The following UNC13C variants were observed in gnomAD, a reference collection of about 807,000 sequenced individuals.
The protein encoded by UNC13C is protein unc-13 homolog C.
A neutral mutation model predicts 245.4 loss-of-function variants in UNC13C; 174 were observed. The ratio of observed to expected loss-of-function variants is 0.71; its 90% CI spans 0.63 to 0.80. The LOEUF is 0.80. UNC13C is among the 30% of genes least tolerant of loss of function. The pLI is 0.00. For missense variants in UNC13C, 2,829 were observed against 2,602.9 expected, an observed-to-expected ratio of 1.09 and a Z score of -1.89; for synonymous variants, 992 against 895.1, an observed-to-expected ratio of 1.11 and a Z score of -1.93.
rs761724530 is a variant in UNC13C, at chr15:54,376,777, T to C, written c.4714-16271T>C. 1.0e-3 allele frequency among the ~76,000 whole-genome samples: 156 copies of C among 152,162 alleles called. 1 individual carries two copies. Among genetic ancestry groups the C allele is most frequent in the Non-Finnish European group, 2.0e-3 (133 of 68,022 alleles). On this transcript the variant is annotated intron_variant, in intron 17 of 32. Coordinates refer to ENST00000260323, the MANE Select transcript of UNC13C (RefSeq NM_001080534.3). Reference sequence around the variant, plus strand: ...CCATTGAAAACCACATGAAACATATTTGAGAATTGTCCCAGTGGAAGATGG... The same window carrying C: ...CCATTGAAAACCACATGAAACATATCTGAGAATTGTCCCAGTGGAAGATGG...
chr15:54,195,816 T>C (rs1429278969), intron 4 of UNC13C, among the ~76,000 whole-genome samples: 1 of 152,164 alleles, frequency 6.6e-6, no homozygotes, highest in Non-Finnish European at 1.5e-5. Context: ...GACATCTTAT[T>C]GCAGTTGGTT....
intron 8 of UNC13C, among the ~76,000 whole-genome samples, chr15:54,259,079 A>G (rs1241002481): frequency 6.6e-6 from 1 of 152,222 alleles, no homozygotes; most frequent in Admixed American, 6.5e-5. Context: ...GGGGCAAGTG[A>G]GCTCCCTTGA....
chr15:54,159,454 T>C lies in UNC13C; in HGVS notation c.3071+15770T>C, dbSNP rs75652526. Among the ~76,000 whole-genome samples the C allele has an allele frequency of 9.9e-3, 1,506 of 152,312 alleles. 53 individuals are homozygous for C. The highest frequency in any genetic ancestry group is 0.088 in the East Asian group (455 of 5,176). ...CACTGTTTGTCCTTTGAGTCTTTTT[T>C]GATTAGAGGATGCAGATGCCTAAGG... is the stretch of plus-strand genomic sequence containing the variant. On this transcript the variant is annotated intron_variant, in intron 4 of 32. Transcript: ENST00000260323.
chr15:54,009,807 G>A (rs970409011), intron 1 of UNC13C, among the ~76,000 whole-genome samples: 4 of 152,144 alleles, frequency 2.6e-5, no homozygotes, highest in African/African-American at 9.7e-5. Flanking sequence ...GCCTCCCAAG[G>A]AAGTAACTTT....
Position 54,627,135 on chromosome 15 carries a change from A to G in UNC13C, c.*22A>G. On this transcript the variant is annotated 3_prime_UTR_variant, in exon 33 of 33. Transcript: ENST00000260323. ...TTGAAACAAACACTGCAAGCTAAAT[A>G]CATAACTATAATTGTTTGACTACTG... 1 of 1,586,962 alleles carries G rather than the reference A, an allele frequency of 6.3e-7. No individual in the cohort carries two copies. Among genetic ancestry groups the G allele is most frequent in the Non-Finnish European group, 8.6e-7 (1 of 1,166,426 alleles).
In UNC13C at chr15:54,148,977, C is replaced by T. The variant is rs373432967; in HGVS notation, c.3071+5293C>T. On this transcript the variant is annotated intron_variant, in intron 4 of 32. Transcript: ENST00000260323. ...TAAATCTCATCTCAAATTGTAATCC[C>T]CATGTGTCAAGGAGGGACCTGGTGG... Among the ~76,000 whole-genome samples, 10 of 152,126 alleles carry T rather than the reference C, an allele frequency of 6.6e-5. No homozygotes were observed. In the East Asian group the frequency reaches 1.3e-3, roughly 21 times the overall value.
chr15:53,840,221 T>G, the UNC13C span, among the ~76,000 whole-genome samples: 1 of 152,132 alleles, frequency 6.6e-6, no homozygotes, highest in Admixed American at 6.6e-5. Flanking sequence ...GGAAGAAGAA[T>G]CCATGTTCAG....
chr15:54,272,513 A>G (rs1307239930), intron 10 of UNC13C, among the ~76,000 whole-genome samples: 3 of 152,232 alleles, frequency 2.0e-5, no homozygotes, highest in African/African-American at 7.2e-5. Flanking sequence ...GCCATTTTAC[A>G]GTGATGGTAC....
At position 54,260,062 on chromosome 15, in the gene UNC13C, T is replaced by G. The variant is rs551938738; in HGVS notation, c.3449-4106T>G. ...TTATCTTCGGCTCCCCCAAGAAGTA[T>G]TTCCTCTATTTATTGAGTGTATGCT... On this transcript the variant is annotated intron_variant, in intron 8 of 32. Coordinates refer to ENST00000260323, the MANE Select transcript of UNC13C (RefSeq NM_001080534.3). 2.0e-5 allele frequency among the ~76,000 whole-genome samples: 3 copies of G among 152,284 alleles called. No homozygotes were observed. The South Asian group carries it at 6.2e-4, about 32-fold the overall frequency.
chr15:54,382,507 G>A (rs2039748191), intron 17 of UNC13C, among the ~76,000 whole-genome samples: 7 of 151,946 alleles, frequency 4.6e-5, no homozygotes, highest in Admixed American at 4.6e-4. Context: ...GACCCAGAAA[G>A]TTAAGGTTGC....
At chr15:54,536,683 A>C (rs1043242926) in intron 26 of UNC13C, among the ~76,000 whole-genome samples, 1 of 152,142 alleles carries the variant, frequency 6.6e-6, no homozygotes, top group African/African-American at 2.4e-5. Flanking sequence ...AACAGATGCA[A>C]ATCAATAAAT....
At chr15:54,229,290 T>C (rs1027285245) in intron 4 of UNC13C, among the ~76,000 whole-genome samples, 1 of 152,180 alleles carries the variant, frequency 6.6e-6, no homozygotes, top group African/African-American at 2.4e-5. Context: ...AGTGCCTCTT[T>C]TAGTGATATG....
intron 2 of UNC13C, among the ~76,000 whole-genome samples, chr15:54,020,488 TTATC>T (rs1276001159): frequency 6.7e-6 from 1 of 148,550 alleles, no homozygotes; most frequent in Non-Finnish European, 1.5e-5. Flanking sequence ...TTTCACCATA[TTATC>T]CAGGCTGGTC....
intron 5 of UNC13C, among the ~76,000 whole-genome samples, chr15:54,235,968 G>A (rs527504776): frequency 6.6e-6 from 1 of 151,338 alleles, no homozygotes; most frequent in South Asian, 2.1e-4. Flanking sequence ...GAAATATGCT[G>A]CAGCCACCTT....
At chr15:54,357,002 A>T (rs59133574) in intron 17 of UNC13C, among the ~76,000 whole-genome samples, 1 of 152,066 alleles carries the variant, frequency 6.6e-6, no homozygotes, top group African/African-American at 2.4e-5. Flanking sequence ...TTGATAAAGG[A>T]TTCAAACATA....
chr15:54,096,424 T>G (rs1899867426), intron 2 of UNC13C, among the ~76,000 whole-genome samples: 1 of 152,154 alleles, frequency 6.6e-6, no homozygotes, highest in South Asian at 2.1e-4. Context: ...GGATATAGTA[T>G]TCTGGAGCCT....
chr15:54,514,293 C>G (rs1894874325), intron 24 of UNC13C, among the ~76,000 whole-genome samples: 1 of 152,146 alleles, frequency 6.6e-6, no homozygotes, highest in African/African-American at 2.4e-5. Context: ...GTTCAGGGGC[C>G]TTTAAAAGTT....
intron 19 of UNC13C, among the ~76,000 whole-genome samples, chr15:54,421,351 C>T (rs2040639188): frequency 1.3e-5 from 2 of 151,924 alleles, no homozygotes; most frequent in South Asian, 4.1e-4. Flanking sequence ...TACATCAAAA[C>T]TCTGCATATA....
intron 2 of UNC13C, among the ~76,000 whole-genome samples, chr15:54,028,604 C>T (rs1267176606): frequency 6.6e-6 from 1 of 151,930 alleles, no homozygotes; most frequent in African/African-American, 2.4e-5. Flanking sequence ...TGGCATTTTT[C>T]CCAGTGCCCG....
Sources: allele counts gnomAD v4.1 joint callset (sites outside exome capture counted in the v4.1 genomes callset), GRCh38; gene constraint gnomAD v4.1.1; transcripts MANE v1.5; gene names NCBI Gene and HGNC (gene_info 2026-07-23, HGNC 2026-07-21).